Variants in DYNC1H1 observed in about 807,000 individuals in gnomAD.
DYNC1H1 encodes the protein cytoplasmic dynein 1 heavy chain 1.
A neutral mutation model predicts 527.1 loss-of-function variants in DYNC1H1; 51 were observed. The observed-to-expected ratio is 0.10, with a 90% CI of 0.08 to 0.12. The LOEUF (loss-of-function observed/expected upper bound fraction) is 0.12, where lower values mean the gene tolerates loss of function less well. Ranked by LOEUF, DYNC1H1 falls within the 10% of genes least tolerant of loss-of-function variation. DYNC1H1 has a pLI of 1.00. For missense variants in DYNC1H1, 2,771 were observed against 5,971.8 expected, an observed-to-expected ratio of 0.46 and a Z score of 17.66; for synonymous variants, 2,189 against 2,278.8, an observed-to-expected ratio of 0.96 and a Z score of 1.12.
At position 101,986,566 on chromosome 14, in the gene DYNC1H1, C is replaced by T. The variant is rs2047939107; in HGVS notation, c.2341C>T (p.Leu781=). ...ANQLYPFAIS[L]IESVRTYERT... ...CCAGCTTTACCCGTTTGCCATCTCA[C>T]TGATCGAGAGCGTTCGTACCTATGA... Residue 781 remains leucine (L), a synonymous_variant, in exon 8 of 78, where the codon CTG becomes TTG. Coordinates refer to ENST00000360184, the MANE Select transcript of DYNC1H1 (RefSeq NM_001376.5). This position sits in a 1 kb window ranked among gnomAD's most constrained non-coding sequence, Gnocchi z 8.7. The T allele has an allele frequency of 1.9e-6, 3 of 1,614,014 alleles. No individual in the cohort carries two copies. The highest frequency in any genetic ancestry group is 1.7e-6 in the Non-Finnish European group (2 of 1,180,032).
Position 101,980,485 on chromosome 14 carries a change from T to A in DYNC1H1, c.896T>A (p.Leu299Gln). 1 of 1,614,246 alleles carries A rather than the reference T, an allele frequency of 6.2e-7. No individual in the cohort carries two copies. The highest frequency in any genetic ancestry group is 1.1e-5 in the South Asian group (1 of 91,086). ...QEKRESPEVL[L>Q]TLDILKHGKR... ...AAACGGGAGAGCCCGGAAGTTCTCC[T>A]GACTCTGGATATCTTGAAACATGGC... Residue 299 changes from leucine to glutamine, a missense_variant, in exon 5 of 78, where the codon CTG (leucine) becomes CAG (glutamine). Physicochemically the swap from Leu to Gln is moderately radical, Grantham distance 113. Around this residue, in one of 32 missense-constraint regions of DYNC1H1, gnomAD observed 146 missense variants for 288.1 expected, o/e 0.51. Coordinates refer to ENST00000360184, the MANE Select transcript of DYNC1H1 (RefSeq NM_001376.5).
In DYNC1H1 at chr14:102,020,094, C is replaced by T. The variant is rs747255391; in HGVS notation, c.8507+38C>T. 1.2e-6 allele frequency: 2 copies of T among 1,610,856 alleles called. No homozygotes were observed. The highest frequency in any genetic ancestry group is 8.5e-7 in the Non-Finnish European group (1 of 1,178,682). On this transcript the variant is annotated intron_variant, in intron 42 of 77. Coordinates refer to ENST00000360184, the MANE Select transcript of DYNC1H1 (RefSeq NM_001376.5). This position sits in a 1 kb window ranked among gnomAD's most constrained non-coding sequence, Gnocchi z 4.3. Reference sequence around the variant, plus strand: ...GAGGATCCAGTTGGTCCCATTCTCCCCTGCTCTGAGTTCTTACAGCTGTCG... The same window carrying T: ...GAGGATCCAGTTGGTCCCATTCTCCTCTGCTCTGAGTTCTTACAGCTGTCG...
In DYNC1H1 at chr14:102,029,813, C is replaced by T. The variant is rs777614951; in HGVS notation, c.9643-6C>T. 1.2e-5 allele frequency: 19 copies of T among 1,614,006 alleles called. No individual in the cohort carries two copies. The East Asian group carries it at 3.6e-4, about 30-fold the overall frequency. On this transcript the variant is annotated splice_region_variant and splice_polypyrimidine_tract_variant and intron_variant, in intron 49 of 77. Coordinates refer to ENST00000360184, the MANE Select transcript of DYNC1H1 (RefSeq NM_001376.5). The surrounding 1 kb of genome is among the most constrained non-coding windows in gnomAD (Gnocchi z 5.3). ...CTCGTCTCTGAGTGTGGGCTTTGCT[C>T]TTTAGGTAGAAGAACTGCGTCGTGA...
chr14:102,015,821 A>G lies in DYNC1H1; in HGVS notation c.7243-35A>G, dbSNP rs2048313831. 1.2e-6 allele frequency: 2 copies of G among 1,611,020 alleles called. No homozygotes were observed. Among genetic ancestry groups the G allele is most frequent in the Non-Finnish European group, 1.7e-6 (2 of 1,177,958 alleles). Reference sequence around the variant, plus strand: ...ATCGATGAAACTCGCCTGCCTTTTGAAAGATAGTTAAGTATCACTCCTTCC... The same window carrying G: ...ATCGATGAAACTCGCCTGCCTTTTGGAAGATAGTTAAGTATCACTCCTTCC... On this transcript the variant is annotated intron_variant, in intron 35 of 77. Transcript: ENST00000360184. The surrounding 1 kb of genome is among the most constrained non-coding windows in gnomAD (Gnocchi z 6.9).
At chr14:102,022,094 C>G (rs1039356900) in intron 42 of DYNC1H1, among the ~76,000 whole-genome samples, 2 of 151,866 alleles carry the variant, frequency 1.3e-5, no homozygotes, top group Non-Finnish European at 2.9e-5. Context: ...CAAGATCGCG[C>G]CACTGCACTT....
Position 102,004,849 on chromosome 14 carries a change from C to G in DYNC1H1, c.5137C>G (p.Leu1713Val). 6.2e-7 allele frequency: 1 copy of G among 1,614,200 alleles called. No individual in the cohort carries two copies. Among genetic ancestry groups the G allele is most frequent in the Non-Finnish European group, 8.5e-7 (1 of 1,180,048 alleles). Reference sequence around the variant, plus strand: ...GGTAGAAAAGGAGATGAGAGTCACCCTGGCCAAACTGCTTGCTGAGTCTGT... The same window carrying G: ...GGTAGAAAAGGAGATGAGAGTCACCGTGGCCAAACTGCTTGCTGAGTCTGT... ...TLVEKEMRVT[L>V]AKLLAESVTE... The change falls in exon 25 of 78, where the codon CTG (leucine) becomes GTG (valine). Residue 1713 changes from leucine (L) to valine (V), a missense_variant. Coordinates refer to ENST00000360184, the MANE Select transcript of DYNC1H1 (RefSeq NM_001376.5).
At position 102,033,463 on chromosome 14, in the gene DYNC1H1, C is replaced by T. The variant is rs2152591828; in HGVS notation, c.10392C>T (p.Asp3464=). The T allele has an allele frequency of 5.6e-6, 9 of 1,614,134 alleles. No homozygotes were observed. Among genetic ancestry groups the T allele is most frequent in the Non-Finnish European group, 7.6e-6 (9 of 1,180,036 alleles). Residue 3464 remains aspartate (D), a synonymous_variant, in exon 54 of 78, where the codon GAC becomes GAT. Transcript: ENST00000360184. This position sits in a 1 kb window ranked among gnomAD's most constrained non-coding sequence, Gnocchi z 5.6. The part of the protein sequence containing the change: ...LISEAQAIKA[D]LAAVEAKVNR... ...CAGAGGCCCAGGCCATCAAGGCAGA[C>T]CTGGCAGCTGTCGAGGCAAAAGTAA...
chr14:101,996,987 A>C (rs781564358), intron 15 of DYNC1H1, 48 bp from the exon 16 acceptor site: 1 of 1,578,968 alleles, frequency 6.3e-7, no homozygotes, highest in South Asian at 1.2e-5. Flanking sequence ...AATAATTTCT[A>C]TCATTGTTAT....
At position 102,016,856 on chromosome 14, in the gene DYNC1H1, G is replaced by A. The variant is rs368463825; in HGVS notation, c.7705G>A (p.Val2569Met). Residue 2569 changes from valine (V) to methionine (M), a missense_variant, in exon 38 of 78, where the codon GTG (valine) becomes ATG (methionine). Transcript: ENST00000360184. This position sits in a 1 kb window ranked among gnomAD's most constrained non-coding sequence, Gnocchi z 7.3. ...THKVAAPDVVVPTLDTVRHEA... is the reference protein window; with the variant it reads ...THKVAAPDVVMPTLDTVRHEA... Reference sequence around the variant, plus strand: ...CAAGGTGGCAGCCCCTGATGTCGTCGTGCCAACGCTGGACACAGTCCGCCA... The same window carrying A: ...CAAGGTGGCAGCCCCTGATGTCGTCATGCCAACGCTGGACACAGTCCGCCA... The A allele has an allele frequency of 6.2e-7, 1 of 1,614,148 alleles. No individual in the cohort carries two copies. Among genetic ancestry groups the A allele is most frequent in the Non-Finnish European group, 8.5e-7 (1 of 1,180,034 alleles).
Position 101,994,843 on chromosome 14 carries a change from T to C in DYNC1H1, c.3327T>C (p.Tyr1109=). 1 of 1,614,222 alleles carries C rather than the reference T, an allele frequency of 6.2e-7. No homozygotes were observed. Among genetic ancestry groups the C allele is most frequent in the East Asian group, 2.2e-5 (1 of 44,892 alleles). ...KKEFGPVVID[Y]GKVQSKVNLK... Reference sequence around the variant, plus strand: ...AGTTTGGACCAGTAGTTATAGATTATGGCAAGGTGAGCCCTGCTGTCTGGT... The same window carrying C: ...AGTTTGGACCAGTAGTTATAGATTACGGCAAGGTGAGCCCTGCTGTCTGGT... Residue 1109 remains tyrosine (Y), a synonymous_variant, in exon 13 of 78, where the codon TAT becomes TAC. Coordinates refer to ENST00000360184, the MANE Select transcript of DYNC1H1 (RefSeq NM_001376.5).
chr14:102,006,984 A>C, intron 27 of DYNC1H1, 24 bp from the exon 28 acceptor site: 1 of 1,610,212 alleles, frequency 6.2e-7, no homozygotes, highest in Non-Finnish European at 8.5e-7. Context: ...GGACTCAAGC[A>C]CTCTGTTGCT....
intron 7 of DYNC1H1, among the ~76,000 whole-genome samples, chr14:101,984,401 A>G (rs529734738): frequency 0.03 from 3,054 of 102,490 alleles, 88 homozygotes; most frequent in African/African-American, 0.084. Flanking sequence ...ATGCGTATAT[A>G]TGTGTGTGTG....
chr14:101,990,298 T>C (rs2047981832), intron 10 of DYNC1H1, among the ~76,000 whole-genome samples: 1 of 152,212 alleles, frequency 6.6e-6, no homozygotes, highest in Non-Finnish European at 1.5e-5. Flanking sequence ...TCAGTGGTGC[T>C]AGTTTCTCGG....
chr14:102,038,737 G>A lies in DYNC1H1; in HGVS notation c.11095G>A (p.Val3699Ile). The change falls in exon 59 of 78, where the codon GTA (valine) becomes ATA (isoleucine). Residue 3699 changes from valine to isoleucine, a missense_variant. Around this residue, in one of 32 missense-constraint regions of DYNC1H1, gnomAD observed 283 missense variants for 737.6 expected, o/e 0.38. Transcript: ENST00000360184. The surrounding 1 kb of genome is among the most constrained non-coding windows in gnomAD (Gnocchi z 7.2). ...AGATCTCTGTTCCCGGGTTACTTTT[G>A]TAAACTTCACAGTTACCCGTAGCAG... ...PPDLCSRVTFVNFTVTRSSLQ... is the reference protein window; with the variant it reads ...PPDLCSRVTFINFTVTRSSLQ... 1.9e-6 allele frequency: 3 copies of A among 1,614,176 alleles called. No individual in the cohort carries two copies. Among genetic ancestry groups the A allele is most frequent in the Middle Eastern group, 1.6e-4 (1 of 6,062 alleles).
Position 102,049,639 on chromosome 14 carries a change from G to A in DYNC1H1, c.13515+57G>A. The A allele has an allele frequency of 6.2e-7, 1 of 1,613,260 alleles. No individual in the cohort carries two copies. ...CAGCAGCTGTCCTGGGCTGGGGTGGGAGTGGCTCTGGGGAAAAACACAGGG... is the reference window on the plus strand; with the variant it reads ...CAGCAGCTGTCCTGGGCTGGGGTGGAAGTGGCTCTGGGGAAAAACACAGGG... On this transcript the variant is annotated intron_variant, in intron 75 of 77. Coordinates refer to ENST00000360184, the MANE Select transcript of DYNC1H1 (RefSeq NM_001376.5). The surrounding 1 kb of genome is among the most constrained non-coding windows in gnomAD (Gnocchi z 5.5).
chr14:101,987,325 T>G, intron 8 of DYNC1H1, 128 bp from the exon 9 acceptor site: 1 of 1,050,178 alleles, frequency 9.5e-7, no homozygotes, highest in Non-Finnish European at 1.4e-6. Flanking sequence ...GCAGCTAGGA[T>G]TAGCTACTTA....
At chr14:102,006,792 G>T (rs1196975570) in intron 27 of DYNC1H1, among the ~76,000 whole-genome samples, 1 of 151,594 alleles carries the variant, frequency 6.6e-6, no homozygotes, top group Non-Finnish European at 1.5e-5. Context: ...TAGAGATGGA[G>T]TTTCACCATG....
chr14:101,979,391 A>T lies in DYNC1H1; in HGVS notation c.417A>T (p.Thr139=), dbSNP rs746569922. The change falls in exon 3 of 78, where the codon ACA becomes ACT. Residue 139 remains threonine (T), a synonymous_variant. Transcript: ENST00000360184. This position sits in a 1 kb window ranked among gnomAD's most constrained non-coding sequence, Gnocchi z 4.6. ...TGTCTTCTCAGCTCCGGGTCCTTAC[A>T]CTCAGTGAAGACTCGCCCTACGAAA... is the stretch of plus-strand genomic sequence containing the variant. ...KPVSSQLRVL[T]LSEDSPYETL... The T allele has an allele frequency of 1.9e-6, 3 of 1,614,134 alleles. No homozygotes were observed. Among genetic ancestry groups the T allele is most frequent in the Non-Finnish European group, 2.5e-6 (3 of 1,180,020 alleles).
chr14:101,999,162 G>A (rs1181704728), intron 16 of DYNC1H1, among the ~76,000 whole-genome samples: 1 of 151,598 alleles, frequency 6.6e-6, no homozygotes, highest in Non-Finnish European at 1.5e-5. Flanking sequence ...GATTATAGGC[G>A]TGAGCCACCG....
Sources: allele counts gnomAD v4.1 joint callset (sites outside exome capture counted in the v4.1 genomes callset), GRCh38; gene constraint gnomAD v4.1.1; regional missense constraint gnomAD v4.1.1; non-coding constraint Gnocchi (gnomAD v3.1); transcripts MANE v1.5; gene names NCBI Gene and HGNC (gene_info 2026-07-23, HGNC 2026-07-21).